FUT9: variants seen among roughly 807,000 people sequenced by gnomAD.
FUT9 encodes the protein 4-galactosyl-N-acetylglucosaminide 3-alpha-L-fucosyltransferase 9.
In FUT9, 15 loss-of-function variants were observed where a neutral mutation model predicts 29.7. The ratio of observed to expected loss-of-function variants is 0.51; its 90% confidence interval spans 0.34 to 0.78. The LOEUF (loss-of-function observed/expected upper bound fraction) is 0.78, where lower values mean the gene tolerates loss of function less well. FUT9 is among the 30% of genes least tolerant of loss of function. The pLI, the probability that FUT9 is intolerant of heterozygous loss-of-function variation, is 0.01. For missense variants in FUT9, 319 were observed against 425.4 expected (o/e 0.75, Z 2.20); for synonymous variants, 169 against 153.7 (o/e 1.10, Z -0.74).
At chr6:96,119,001 CAA>C (rs1477063595) in intron 2 of FUT9, among the ~76,000 whole-genome samples, 1 of 151,994 alleles carries the variant, frequency 6.6e-6, no homozygotes, top group East Asian at 1.9e-4. Context: ...TGAAAAAACT[CAA>C]AGACTTAAAA....
Position 96,204,359 on chromosome 6 carries a change from T to TGATAA in FUT9, c.*124_*125insGATAA. The stretch of plus-strand genomic sequence containing the variant: ...TTTATTTTTATCACCCTCTCTAGGG[T>TGATAA]AACGTGTATATTTTGGTGGAGATTT... On this transcript the variant is annotated 3_prime_UTR_variant, in exon 3 of 3. Coordinates refer to ENST00000302103, the MANE Select transcript of FUT9 (RefSeq NM_006581.4). The TGATAA allele has an allele frequency of 3.2e-6, 2 of 618,310 alleles. No individual in the cohort carries two copies. The highest frequency in any genetic ancestry group is 1.9e-5 in the African/African-American group (1 of 53,158). 38.3% of individuals were successfully genotyped at this position (618,310 alleles called of 1,614,324 possible). A position where few individuals can be genotyped will look rare whatever the true frequency, so the allele number is the denominator to read the frequency against.
intron 1 of FUT9, among the ~76,000 whole-genome samples, chr6:96,064,285 A>T (rs530298622): frequency 1.5e-3 from 230 of 152,288 alleles, no homozygotes; most frequent in Admixed American, 3.5e-3. Flanking sequence ...TGAGTTTAGT[A>T]CTGAGACCCA....
rs765305615 is a variant in FUT9 at position 96,018,088 on chromosome 6, A to G, written c.-98+1876A>G. 1.1e-4 allele frequency among the ~76,000 whole-genome samples: 17 copies of G among 152,184 alleles called. 1 individual carries two copies. The highest frequency in any genetic ancestry group is 3.4e-4 in the African/African-American group (14 of 41,442). ...ATGTGGATAGCCGCATTAAAAGTCA[A>G]GAGGGGCTGTGAATAATGAGTTTAT... On this transcript the variant is annotated intron_variant, in intron 1 of 2. Transcript: ENST00000302103.
chr6:96,198,350 G>C (rs1411062193), intron 2 of FUT9, among the ~76,000 whole-genome samples: 1 of 146,914 alleles, frequency 6.8e-6, no homozygotes, highest in Admixed American at 7.1e-5. Context: ...TCCCATCTAT[G>C]AGTGAGAATA....
rs997794368 is a variant in FUT9 at position 96,084,242 on chromosome 6, T to C, written c.-97-29797T>C. On this transcript the variant is annotated intron_variant, in intron 1 of 2. Transcript: ENST00000302103. The stretch of plus-strand genomic sequence containing the variant: ...TATTTCCTTTTAACAACTAAAATAA[T>C]TTTAAGTTGATTCTCCAAAGAATTC... Among the ~76,000 whole-genome samples, 5 of 152,200 alleles carry C rather than the reference T, an allele frequency of 3.3e-5. No homozygotes were observed. The East Asian group carries it at 9.7e-4, about 29-fold the overall frequency.
At chr6:96,167,676 A>G (rs1046934457) in intron 2 of FUT9, among the ~76,000 whole-genome samples, 3 of 152,184 alleles carry the variant, frequency 2.0e-5, no homozygotes, top group Admixed American at 1.3e-4. Flanking sequence ...AAGGATAATA[A>G]AAAGAGTAGA....
chr6:96,123,958 A>C (rs1004222761), intron 2 of FUT9, among the ~76,000 whole-genome samples: 18 of 151,850 alleles, frequency 1.2e-4, no homozygotes, highest in African/African-American at 4.4e-4. Context: ...GTGGAAAGGT[A>C]GTACCCATTG....
At position 96,102,910 on chromosome 6, in the gene FUT9, A is replaced by G. The variant is rs955440874; in HGVS notation, c.-97-11129A>G. 5.9e-5 allele frequency among the ~76,000 whole-genome samples: 9 copies of G among 152,136 alleles called. 1 individual carries two copies. Among genetic ancestry groups the G allele is most frequent in the South Asian group, 4.1e-4 (2 of 4,828 alleles). On this transcript the variant is annotated intron_variant, in intron 1 of 2. Coordinates refer to ENST00000302103, the MANE Select transcript of FUT9 (RefSeq NM_006581.4). ...CTGGAATGTGTGACATGCTGTGCCAATAGACATTACATATGGAAACAGGAG... is the reference window on the plus strand; with the variant it reads ...CTGGAATGTGTGACATGCTGTGCCAGTAGACATTACATATGGAAACAGGAG...
chr6:96,096,809 A>G (rs1324530347), intron 1 of FUT9, among the ~76,000 whole-genome samples: 1 of 151,242 alleles, frequency 6.6e-6, no homozygotes, highest in Non-Finnish European at 1.5e-5. Flanking sequence ...TTTTCTCCTT[A>G]CTTTTTTCAC....
At chr6:96,189,706 T>C (rs985312706) in intron 2 of FUT9, among the ~76,000 whole-genome samples, 1 of 152,166 alleles carries the variant, frequency 6.6e-6, no homozygotes, top group South Asian at 2.1e-4. Context: ...AAAGTCTGTT[T>C]TATCAGAGAC....
chr6:96,195,420 G>C (rs1773607323), intron 2 of FUT9, among the ~76,000 whole-genome samples: 2 of 152,186 alleles, frequency 1.3e-5, no homozygotes, highest in Admixed American at 1.3e-4. Context: ...CTTTGAGAAA[G>C]GTTCACAAAC....
Position 96,209,948 on chromosome 6 carries a change from A to G in FUT9, c.*5713A>G, listed in dbSNP as rs13220369. 28,779 of 166,790 alleles carry G rather than the reference A, an allele frequency of 0.17. 2,827 individuals carry two copies. The highest frequency in any genetic ancestry group is 0.24 in the East Asian group (1,222 of 5,156). 10.3% of individuals were successfully genotyped at this position (166,790 alleles called of 1,614,324 possible). A position where few individuals can be genotyped will look rare whatever the true frequency, so the allele number is the denominator to read the frequency against. On this transcript the variant is annotated 3_prime_UTR_variant, in exon 3 of 3. Coordinates refer to ENST00000302103, the MANE Select transcript of FUT9 (RefSeq NM_006581.4). ...TCCAAAATTATCCTGTTTCTGCTAT[A>G]ACTGGTGAACCATCCTGTCCTAAAC...
intron 1 of FUT9, among the ~76,000 whole-genome samples, chr6:96,088,259 T>C (rs1046376262): frequency 1.3e-5 from 2 of 151,922 alleles, no homozygotes; most frequent in Non-Finnish European, 2.9e-5. Flanking sequence ...AAAATATAAA[T>C]ATAAAATAAA....
intron 2 of FUT9, among the ~76,000 whole-genome samples, chr6:96,197,416 C>G (rs538548326): frequency 1.4e-5 from 2 of 143,956 alleles, no homozygotes; most frequent in Admixed American, 1.5e-4. Flanking sequence ...TATAGCATTC[C>G]AGAGATCAAC....
intron 2 of FUT9, among the ~76,000 whole-genome samples, chr6:96,162,281 AC>A (rs1263135515): frequency 6.6e-6 from 1 of 152,132 alleles, no homozygotes; most frequent in African/African-American, 2.4e-5. Context: ...TAATCATTGT[AC>A]ATATTTATGA....
At chr6:96,112,327 AAT>A (rs998417092) in intron 1 of FUT9, among the ~76,000 whole-genome samples, 1 of 152,218 alleles carries the variant, frequency 6.6e-6, no homozygotes, top group African/African-American at 2.4e-5. Flanking sequence ...AATGTTACAA[AAT>A]ATAGACAAAT....
chr6:96,038,985 T>A (rs1022880103), intron 1 of FUT9, among the ~76,000 whole-genome samples: 1 of 152,120 alleles, frequency 6.6e-6, no homozygotes, highest in Admixed American at 6.6e-5. Context: ...CAGCCTGGAA[T>A]AATCAAGCCT....
intron 2 of FUT9, among the ~76,000 whole-genome samples, chr6:96,191,493 A>C (rs530076733): frequency 6.6e-6 from 1 of 152,314 alleles, no homozygotes; most frequent in East Asian, 1.9e-4. Flanking sequence ...GAAATGGATA[A>C]ATTCCTGGAC....
chr6:96,153,443 G>A (rs180924250), intron 2 of FUT9, among the ~76,000 whole-genome samples: 1 of 152,280 alleles, frequency 6.6e-6, no homozygotes, highest in Admixed American at 6.5e-5. Flanking sequence ...TTCTAAGTGT[G>A]CAGGATTCTC....
Sources: allele counts gnomAD v4.1 joint callset (sites outside exome capture counted in the v4.1 genomes callset), GRCh38; gene constraint gnomAD v4.1.1; transcripts MANE v1.5; gene names NCBI Gene and HGNC (gene_info 2026-07-23, HGNC 2026-07-21).